The following AACS variants were observed in gnomAD, a reference collection of about 807,000 sequenced individuals.
The protein encoded by AACS is acetoacetate-CoA ligase.
In AACS, 69 loss-of-function variants were observed where a neutral mutation model predicts 83.1. The observed-to-expected ratio is 0.83, with a 90% CI of 0.68 to 1.01. AACS has a LOEUF of 1.01. AACS is among the 50% of genes least tolerant of loss of function. AACS has a pLI of 0.00. For synonymous variants in AACS, 333 were observed against 343.4 expected, an observed-to-expected ratio of 0.97 and a Z score of 0.33; for missense variants, 866 against 882.2, an observed-to-expected ratio of 0.98 and a Z score of 0.23.
At chr12:125,078,068 C>T in intron 3 of AACS, 2 of 446,324 alleles carry the variant, frequency 4.5e-6, no homozygotes, top group Non-Finnish European at 9.0e-6. Context: ...GTATAAAATA[C>T]TCATCAGAAA....
At chr12:125,139,128 AG>A (rs1404788603) in intron 17 of AACS, 1 of 152,188 alleles carries the variant, frequency 6.6e-6, no homozygotes, top group Admixed American at 6.5e-5. Flanking sequence ...CTGGGAAGCC[AG>A]TGCCATTTTC....
chr12:125,071,474 A>G (rs1955860113), intron 1 of AACS, among the ~76,000 whole-genome samples: 3 of 152,200 alleles, frequency 2.0e-5, no homozygotes, highest in South Asian at 4.1e-4. Flanking sequence ...CAGCACATAT[A>G]CTAGGTAGAA....
intron 1 of AACS, among the ~76,000 whole-genome samples, chr12:125,071,587 A>G (rs186547416): frequency 7.9e-4 from 121 of 152,344 alleles, no homozygotes; most frequent in Non-Finnish European, 1.5e-3. Context: ...CACAGGCTGA[A>G]TCAGACCTGG....
At chr12:125,105,308 G>T (rs1434154399) in intron 7 of AACS, 3 of 152,250 alleles carry the variant, frequency 2.0e-5, no homozygotes, top group Admixed American at 2.0e-4. Context: ...TCATTGTGCG[G>T]CCGCGGTGGG....
At chr12:125,128,299 TTC>T in intron 13 of AACS, 25 bp downstream of exon 13, 1 of 1,597,254 alleles carries the variant, frequency 6.3e-7, no homozygotes, top group Non-Finnish European at 8.6e-7. Context: ...AACTGTTTCT[TTC>T]TGTGATTAGG....
chr12:125,084,783 A>G (rs1217157577), intron 3 of AACS, among the ~76,000 whole-genome samples: 1 of 152,022 alleles, frequency 6.6e-6, no homozygotes, highest in Non-Finnish European at 1.5e-5. Context: ...AGGTTTTACC[A>G]GTTGTCCAGG....
chr12:125,069,355 C>T (rs1325603520), intron 1 of AACS, among the ~76,000 whole-genome samples: 1 of 152,210 alleles, frequency 6.6e-6, no homozygotes, highest in Non-Finnish European at 1.5e-5. Context: ...GCCGCCTCTC[C>T]GTGAGCCCGT....
intron 7 of AACS, chr12:125,105,585 A>C (rs1652799886): frequency 6.6e-6 from 1 of 152,222 alleles, no homozygotes. Context: ...ATTCATCAGC[A>C]GTTGATATAA....
intron 17 of AACS, chr12:125,141,700 A>AG (rs1369275771): frequency 6.8e-6 from 1 of 148,112 alleles, no homozygotes; most frequent in Non-Finnish European, 1.4e-5. Context: ...CTGTCTCAAA[A>AG]AAAAAAAAAA....
At chr12:125,093,539 C>T (rs905679222) in intron 5 of AACS, among the ~76,000 whole-genome samples, 4 of 152,238 alleles carry the variant, frequency 2.6e-5, no homozygotes, top group African/African-American at 9.6e-5. Flanking sequence ...ACACTGCTTC[C>T]TGGCCGGGGT....
chr12:125,083,487 C>T (rs527372269), intron 3 of AACS, among the ~76,000 whole-genome samples: 3 of 152,106 alleles, frequency 2.0e-5, no homozygotes, highest in Non-Finnish European at 2.9e-5. Flanking sequence ...GTCTGTTAGG[C>T]GAAAATTGGT....
Position 125,136,757 on chromosome 12 carries a change from G to C in AACS, c.1774G>C (p.Gly592Arg). 1 of 1,614,096 alleles carries C rather than the reference G, an allele frequency of 6.2e-7. No homozygotes were observed. The highest frequency in any genetic ancestry group is 8.5e-7 in the Non-Finnish European group (1 of 1,180,024). ...GATCCTCTTCCTGAAGATGGCCTCC[G>C]GGCACGCCTTCCAGCCTGACTTGGT... ...RVILFLKMAS[G>R]HAFQPDLVKR... is the part of the protein sequence containing the mutation. The change falls in exon 17 of 18, where the codon GGG becomes CGG. Residue 592 changes from glycine (G) to arginine (R), a missense_variant. By Grantham distance (125) the Gly-to-Arg change is moderately radical. Coordinates refer to ENST00000316519, the MANE Select transcript of AACS (RefSeq NM_023928.5).
At chr12:125,083,423 C>T (rs1956249902) in intron 3 of AACS, among the ~76,000 whole-genome samples, 1 of 147,674 alleles carries the variant, frequency 6.8e-6, no homozygotes, top group African/African-American at 2.4e-5. Context: ...GGGCAGGAGT[C>T]ACTGGGGGGC....
rs149532470 is a variant in AACS, at chr12:125,089,298, A to G, written c.473-2128A>G. Among the ~76,000 whole-genome samples, 411 of 152,238 alleles carry G rather than the reference A, an allele frequency of 2.7e-3. 1 individual carries two copies. The highest frequency in any genetic ancestry group is 0.017 in the Middle Eastern group (5 of 294). On this transcript the variant is annotated intron_variant, in intron 4 of 17. Coordinates refer to ENST00000316519, the MANE Select transcript of AACS (RefSeq NM_023928.5). ...GCAGGGGAGTCGCGTGTGAATCCAGACAAACAGAAACACCCACTGCAGGGG... is the reference window on the plus strand; with the variant it reads ...GCAGGGGAGTCGCGTGTGAATCCAGGCAAACAGAAACACCCACTGCAGGGG...
chr12:125,108,169 T>C (rs943948532), intron 8 of AACS, among the ~76,000 whole-genome samples: 1 of 152,186 alleles, frequency 6.6e-6, no homozygotes, highest in Non-Finnish European at 1.5e-5. Context: ...ATTAGGTTAT[T>C]ATTAGAGTCT....
intron 1 of AACS, among the ~76,000 whole-genome samples, chr12:125,069,205 A>C (rs1013291624): frequency 1.3e-5 from 2 of 152,206 alleles, no homozygotes; most frequent in Non-Finnish European, 2.9e-5. Context: ...GTGTCCCAGC[A>C]GAGGCTCACT....
chr12:125,081,787 G>C (rs1161202796), intron 3 of AACS, among the ~76,000 whole-genome samples: 2 of 152,038 alleles, frequency 1.3e-5, no homozygotes, highest in Admixed American at 6.6e-5. Context: ...CTGGGAATGT[G>C]GGAGAGGTAA....
chr12:125,084,913 A>G (rs141875717), intron 3 of AACS, among the ~76,000 whole-genome samples: 48 of 152,128 alleles, frequency 3.2e-4, no homozygotes, highest in African/African-American at 1.1e-3. Context: ...GAGTCTCACT[A>G]TCTTACCCAG....
intron 7 of AACS, among the ~76,000 whole-genome samples, chr12:125,104,929 T>C (rs896686324): frequency 1.3e-5 from 2 of 150,542 alleles, no homozygotes; most frequent in Non-Finnish European, 2.9e-5. Context: ...CTGGGGAGGC[T>C]GTATGGAGCT....
Sources: allele counts gnomAD v4.1 joint callset (sites outside exome capture counted in the v4.1 genomes callset), GRCh38; gene constraint gnomAD v4.1.1; transcripts MANE v1.5; gene names NCBI Gene and HGNC (gene_info 2026-07-23, HGNC 2026-07-21).